Variants in TMEM108 observed in about 807,000 individuals in gnomAD.
TMEM108 encodes the protein transmembrane protein 108.
In TMEM108, 12 loss-of-function variants were observed where a neutral mutation model predicts 35.1. The ratio of observed to expected loss-of-function variants is 0.34; its 90% CI spans 0.22 to 0.55. The LOEUF (loss-of-function observed/expected upper bound fraction) is 0.55, where lower values mean the gene tolerates loss of function less well. Among genes scored for constraint, TMEM108 ranks in the 20% least tolerant of loss-of-function variants. The pLI is 0.89. For missense variants in TMEM108, 680 were observed against 753.3 expected (o/e 0.90, Z 1.14); for synonymous variants, 287 against 308.6 (o/e 0.93, Z 0.73).
At chr3:133,203,767 G>T (rs1945707946) in intron 2 of TMEM108, among the ~76,000 whole-genome samples, 1 of 152,044 alleles carries the variant, frequency 6.6e-6, no homozygotes, top group Non-Finnish European at 1.5e-5. Context: ...TTTTTTTGTT[G>T]TGTCCCTGCC....
intron 2 of TMEM108, among the ~76,000 whole-genome samples, chr3:133,170,098 TG>T (rs1250476752): frequency 6.6e-6 from 1 of 152,186 alleles, no homozygotes; most frequent in Non-Finnish European, 1.5e-5. Context: ...TAAAACTTCA[TG>T]GTAAGAGATG....
chr3:133,180,738 C>G (rs1198939071), intron 2 of TMEM108, among the ~76,000 whole-genome samples: 11 of 152,044 alleles, frequency 7.2e-5, no homozygotes, highest in Admixed American at 7.2e-4. Context: ...GCTTGATCTT[C>G]TTTTGATAGT....
chr3:133,319,560 A>T (rs188570299), intron 3 of TMEM108, among the ~76,000 whole-genome samples: 1 of 152,326 alleles, frequency 6.6e-6, no homozygotes, highest in Admixed American at 6.5e-5. Context: ...CTGCTAACAT[A>T]ACTAGCATTC....
chr3:133,198,148 A>G (rs1945606944), intron 2 of TMEM108, among the ~76,000 whole-genome samples: 1 of 152,164 alleles, frequency 6.6e-6, no homozygotes, highest in African/African-American at 2.4e-5. Context: ...GCTCATCAGC[A>G]ACTGATGAAT....
At chr3:133,332,367 A>T (rs892895356) in intron 3 of TMEM108, among the ~76,000 whole-genome samples, 1 of 152,202 alleles carries the variant, frequency 6.6e-6, no homozygotes, top group Non-Finnish European at 1.5e-5. Context: ...CATATTAGGA[A>T]GGACAGTGTA....
chr3:133,357,643 G>A (rs994266893), intron 3 of TMEM108, among the ~76,000 whole-genome samples: 2 of 152,176 alleles, frequency 1.3e-5, no homozygotes, highest in African/African-American at 4.8e-5. Flanking sequence ...GGATGGAGCT[G>A]GAGTCCATTA....
chr3:133,167,675 G>A (rs994471241), intron 2 of TMEM108, among the ~76,000 whole-genome samples: 3 of 152,204 alleles, frequency 2.0e-5, no homozygotes, highest in Admixed American at 6.5e-5. Flanking sequence ...GCCACCGGCC[G>A]ACCGCTCGGA....
chr3:133,331,228 A>T (rs997770045), intron 3 of TMEM108, among the ~76,000 whole-genome samples: 3 of 152,200 alleles, frequency 2.0e-5, no homozygotes, highest in African/African-American at 7.2e-5. Context: ...CATTTTACTA[A>T]AGGGAATATA....
Position 133,229,364 on chromosome 3 carries a change from T to TTACTTCTTTCC in TMEM108, c.40+13_40+14insTACTTCTTTCC, listed in dbSNP as rs1946118101. 1 of 1,612,326 alleles carries TTACTTCTTTCC rather than the reference T, an allele frequency of 6.2e-7. No individual in the cohort carries two copies. The highest frequency in any genetic ancestry group is 1.3e-5 in the African/African-American group (1 of 74,964). Reference sequence around the variant, plus strand: ...TGCCAACTGTTAAGTAAGTTGACACTGTATTTCTTCTTTCCTAAAATATAC... The same window carrying TTACTTCTTTCC: ...TGCCAACTGTTAAGTAAGTTGACACTTACTTCTTTCCGTATTTCTTCTTTCCTAAAATATAC... On this transcript the variant is annotated intron_variant, in intron 3 of 5. Transcript: ENST00000321871.
chr3:133,371,516 G>C (rs113747508), intron 3 of TMEM108, among the ~76,000 whole-genome samples: 3,864 of 144,596 alleles, frequency 0.027, 144 homozygotes, highest in African/African-American at 0.092. Context: ...TGGCTCCCAA[G>C]AGTAAGCACC....
intron 3 of TMEM108, among the ~76,000 whole-genome samples, chr3:133,374,104 GC>G (rs2107823722): frequency 6.6e-6 from 1 of 152,348 alleles, no homozygotes; most frequent in East Asian, 1.9e-4. Context: ...ACCTGTAAAA[GC>G]TGCATGAGCT....
At chr3:133,212,630 G>A (rs1945848464) in intron 2 of TMEM108, among the ~76,000 whole-genome samples, 1 of 152,062 alleles carries the variant, frequency 6.6e-6, no homozygotes. Flanking sequence ...ACTTTGGGAG[G>A]CCAAGGCAGG....
chr3:133,318,577 C>T (rs2071226171), intron 3 of TMEM108, among the ~76,000 whole-genome samples: 2 of 152,156 alleles, frequency 1.3e-5, no homozygotes. Flanking sequence ...ATAAGTACCT[C>T]ATTTTTTACT....
chr3:133,102,828 T>C (rs909732447), intron 2 of TMEM108, among the ~76,000 whole-genome samples: 27 of 152,030 alleles, frequency 1.8e-4, no homozygotes, highest in African/African-American at 6.3e-4. Flanking sequence ...TGAGAGGGCA[T>C]GTGAAAAAAA....
At chr3:133,388,064 C>T in intron 4 of TMEM108, 1 of 985,458 alleles carries the variant, frequency 1.0e-6, no homozygotes, top group Non-Finnish European at 1.2e-6. Flanking sequence ...AGGCTGATAA[C>T]TGAAGAGCTG....
intron 3 of TMEM108, among the ~76,000 whole-genome samples, chr3:133,259,764 T>C (rs1946598872): frequency 6.6e-6 from 1 of 152,226 alleles, no homozygotes; most frequent in Non-Finnish European, 1.5e-5. Context: ...GAAAGTTTAC[T>C]AATACCTGGA....
chr3:133,383,989 A>AGG (rs2073081281), intron 4 of TMEM108, among the ~76,000 whole-genome samples: 1 of 152,148 alleles, frequency 6.6e-6, no homozygotes, highest in Admixed American at 6.5e-5. Flanking sequence ...CTCCAGTGAG[A>AGG]GGGCCATTAA....
At chr3:133,135,799 A>C (rs1220307744) in intron 2 of TMEM108, among the ~76,000 whole-genome samples, 2 of 152,160 alleles carry the variant, frequency 1.3e-5, no homozygotes, top group African/African-American at 4.8e-5. Flanking sequence ...TACTCCAGGG[A>C]CTCTAATTTG....
chr3:133,059,258 C>T (rs1943508848), intron 2 of TMEM108, among the ~76,000 whole-genome samples: 1 of 152,204 alleles, frequency 6.6e-6, no homozygotes, highest in African/African-American at 2.4e-5. Flanking sequence ...AACATTCAGT[C>T]TGTTGCAGTA....
Sources: allele counts gnomAD v4.1 joint callset (sites outside exome capture counted in the v4.1 genomes callset), GRCh38; gene constraint gnomAD v4.1.1; transcripts MANE v1.5; gene names NCBI Gene and HGNC (gene_info 2026-07-23, HGNC 2026-07-21).